GFPT1: variants seen among roughly 807,000 people sequenced by gnomAD.
The protein encoded by GFPT1 is glutamine--fructose-6-phosphate aminotransferase [isomerizing] 1.
GFPT1 carries 40 observed loss-of-function variants against 92.0 expected under a neutral mutation model. The ratio of observed to expected loss-of-function variants is 0.43; its 90% CI spans 0.34 to 0.57. The LOEUF (loss-of-function observed/expected upper bound fraction) is 0.57, where lower values mean the gene tolerates loss of function less well. GFPT1 is among the 20% of genes least tolerant of loss of function. The probability of loss-of-function intolerance (pLI) is 0.02; values close to 1 mark genes in which losing one functional copy is unlikely to be tolerated. For synonymous variants in GFPT1, 269 were observed against 280.6 expected (o/e 0.96, Z 0.41); for missense variants, 448 against 869.1 (o/e 0.52, Z 6.09).
chr2:69,381,216 C>A (rs1266969205), intron 1 of GFPT1, among the ~76,000 whole-genome samples: 2 of 152,216 alleles, frequency 1.3e-5, no homozygotes, highest in African/African-American at 4.8e-5. Flanking sequence ...CTCCTGACCT[C>A]AGGTGATCTG....
chr2:69,321,509 A>C lies in GFPT1; in HGVS notation c.*4680T>G, dbSNP rs907936720. ...ACTTCAAATATTAGCAAATTGCTTC[A>C]AAATGAAATTCTAAGCAAGTTTTTG... is the stretch of plus-strand genomic sequence containing the variant. On this transcript the variant is annotated 3_prime_UTR_variant, in exon 20 of 20. Coordinates refer to ENST00000357308, the MANE Select transcript of GFPT1 (RefSeq NM_001244710.2). 1 of 152,262 alleles carries C rather than the reference A, an allele frequency of 6.6e-6. No individual in the cohort carries two copies. The highest frequency in any genetic ancestry group is 1.5e-5 in the Non-Finnish European group (1 of 68,040). The allele number at this position is 152,262 out of a possible 1,614,324, so 9.4% of individuals were successfully genotyped here.
Position 69,387,129 on chromosome 2 carries a change from C to T in GFPT1, c.-58G>A. On this transcript the variant is annotated 5_prime_UTR_variant, in exon 1 of 20. Transcript: ENST00000357308. ...CGAGTGGCTGGCGGGATCGGGGGTG[C>T]ACACACGAGCTTCGGTGGGCAATCT... is the stretch of plus-strand genomic sequence containing the variant. 1 of 1,507,758 alleles carries T rather than the reference C, an allele frequency of 6.6e-7. No individual in the cohort carries two copies. Among genetic ancestry groups the T allele is most frequent in the South Asian group, 1.2e-5 (1 of 81,452 alleles). The allele number at this position is 1,507,758 out of a possible 1,614,324, so 93.4% of individuals were successfully genotyped here.
intron 15 of GFPT1, among the ~76,000 whole-genome samples, chr2:69,336,070 G>T (rs1670786308): frequency 6.6e-6 from 1 of 150,900 alleles, no homozygotes; most frequent in Admixed American, 6.6e-5. Flanking sequence ...GGTACAGTGT[G>T]GCTCATGCCT....
At chr2:69,347,731 C>T (rs575651186) in intron 11 of GFPT1, among the ~76,000 whole-genome samples, 36 of 152,256 alleles carry the variant, frequency 2.4e-4, no homozygotes, top group South Asian at 1.5e-3. Flanking sequence ...GATCTGCCCA[C>T]CTCGGCCTCC....
intron 13 of GFPT1, 133 bp downstream of exon 13, chr2:69,342,019 C>CT (rs1007952207): frequency 4.6e-5 from 28 of 604,170 alleles, no homozygotes; most frequent in Middle Eastern, 7.5e-4. Context: ...CCCTTACCTT[C>CT]TTTTTTTATC....
At chr2:69,359,390 T>G (rs2104657736) in intron 4 of GFPT1, 64 bp from the exon 5 acceptor site, 307 of 827,776 alleles carry the variant, frequency 3.7e-4, no homozygotes, top group Non-Finnish European at 5.7e-4. Context: ...AAATAGCTAT[T>G]ACTCTAACTG....
chr2:69,331,559 C>T (rs1670663627), intron 15 of GFPT1, among the ~76,000 whole-genome samples: 1 of 151,980 alleles, frequency 6.6e-6, no homozygotes, highest in Non-Finnish European at 1.5e-5. Context: ...AAGAAATTTG[C>T]ATTTTTGGTG....
chr2:69,352,972 G>A (rs1351864486), intron 9 of GFPT1, among the ~76,000 whole-genome samples: 1 of 152,124 alleles, frequency 6.6e-6, no homozygotes, highest in Admixed American at 6.6e-5. Flanking sequence ...CTTGAACCCG[G>A]GAGGCAGAGG....
At position 69,322,647 on chromosome 2, in the gene GFPT1, G is replaced by C. The variant is rs1377945832; in HGVS notation, c.*3542C>G. On this transcript the variant is annotated 3_prime_UTR_variant, in exon 20 of 20. Coordinates refer to ENST00000357308, the MANE Select transcript of GFPT1 (RefSeq NM_001244710.2). ...TAACTACCTCCTATGAAACCTAAGA[G>C]AGAAAACCTGTAATAGCTCTCTTAA... 2 of 152,152 alleles carry C rather than the reference G, an allele frequency of 1.3e-5. No individual in the cohort carries two copies. Among genetic ancestry groups the C allele is most frequent in the African/African-American group, 2.4e-5 (1 of 41,428 alleles). 9.4% of individuals were successfully genotyped at this position (152,152 alleles called of 1,614,324 possible).
At chr2:69,352,612 C>CAAAAAAAAAAA (rs748958210) in intron 9 of GFPT1, among the ~76,000 whole-genome samples, 8 of 47,376 alleles carry the variant, frequency 1.7e-4, no homozygotes, top group African/African-American at 6.1e-4. Flanking sequence ...GACTTCGTCT[C>CAAAAAAAAAAA]AAAAAAAAAA....
At chr2:69,351,542 T>C (rs767951798) in intron 9 of GFPT1, among the ~76,000 whole-genome samples, 2 of 152,240 alleles carry the variant, frequency 1.3e-5, no homozygotes, top group Non-Finnish European at 2.9e-5. Context: ...ATGTGCTATT[T>C]ATCCTGAGCT....
intron 3 of GFPT1, among the ~76,000 whole-genome samples, chr2:69,368,762 G>C (rs1315329150): frequency 1.3e-5 from 2 of 151,756 alleles, no homozygotes; most frequent in Non-Finnish European, 2.9e-5. Flanking sequence ...AGTTGACCAC[G>C]AAGAGGCATG....
chr2:69,320,894 G>A lies in GFPT1; in HGVS notation c.*5295C>T, dbSNP rs1468275320. On this transcript the variant is annotated 3_prime_UTR_variant, in exon 20 of 20. Coordinates refer to ENST00000357308, the MANE Select transcript of GFPT1 (RefSeq NM_001244710.2). ...GGGAGAGGTGGAGGAGGGAGAGAGA[G>A]AGAGAGACCAAAGACTGGGCTGAAT... 6.6e-6 allele frequency: 1 copy of A among 152,218 alleles called. No homozygotes were observed. The highest frequency in any genetic ancestry group is 1.5e-5 in the Non-Finnish European group (1 of 68,102). 9.4% of individuals were successfully genotyped at this position (152,218 alleles called of 1,614,324 possible).
chr2:69,358,080 C>T (rs775288415), intron 6 of GFPT1, among the ~76,000 whole-genome samples: 5 of 152,032 alleles, frequency 3.3e-5, no homozygotes, highest in Non-Finnish European at 7.4e-5. Flanking sequence ...TTTTTAGACA[C>T]ACTGATTTTG....
intron 12 of GFPT1, among the ~76,000 whole-genome samples, chr2:69,342,458 CCTTA>C (rs1159614857): frequency 6.6e-6 from 1 of 152,218 alleles, no homozygotes; most frequent in Non-Finnish European, 1.5e-5. Context: ...TTGTAACTGA[CCTTA>C]CTCACCTCTC....
chr2:69,352,528 G>A (rs1419085533), intron 9 of GFPT1, among the ~76,000 whole-genome samples: 4 of 134,310 alleles, frequency 3.0e-5, no homozygotes, highest in East Asian at 2.3e-4. Context: ...CAAGACACTC[G>A]CTTGAACCCG....
intron 15 of GFPT1, chr2:69,334,520 TA>T (rs1403820286): frequency 6.6e-6 from 1 of 152,022 alleles, no homozygotes; most frequent in African/African-American, 2.4e-5. Flanking sequence ...AAAATAAAAA[TA>T]TTTAAAAAAA....
intron 1 of GFPT1, among the ~76,000 whole-genome samples, chr2:69,384,439 C>G (rs939688632): frequency 6.6e-6 from 1 of 151,832 alleles, no homozygotes; most frequent in Non-Finnish European, 1.5e-5. Context: ...TAACTAGGGC[C>G]GGGTAAGGTG....
chr2:69,344,897 C>T (rs768579381), intron 12 of GFPT1, among the ~76,000 whole-genome samples: 7 of 151,900 alleles, frequency 4.6e-5, no homozygotes, highest in African/African-American at 7.3e-5. Flanking sequence ...GTTCCCAAAG[C>T]GCTGGGATTA....
Sources: allele counts gnomAD v4.1 joint callset (sites outside exome capture counted in the v4.1 genomes callset), GRCh38; gene constraint gnomAD v4.1.1; transcripts MANE v1.5; gene names NCBI Gene and HGNC (gene_info 2026-07-23, HGNC 2026-07-21).